GFOD1: variants seen among roughly 807,000 people sequenced by gnomAD.
GFOD1 encodes the protein glucose-fructose oxidoreductase domain-containing protein 1.
Under a neutral mutation model 25.4 loss-of-function variants are expected in GFOD1, and 9 were observed. The ratio of observed to expected loss-of-function variants is 0.35; its 90% CI spans 0.21 to 0.62. The LOEUF is 0.62. GFOD1 is among the 20% of genes least tolerant of loss of function. The pLI, the probability that GFOD1 is intolerant of heterozygous loss-of-function variation, is 0.72. For missense variants in GFOD1, 403 were observed against 556.9 expected (o/e 0.72, Z 2.78); for synonymous variants, 253 against 245.6 (o/e 1.03, Z -0.28).
At chr6:13,476,585 A>G (rs1010807975) in intron 1 of GFOD1, among the ~76,000 whole-genome samples, 18 of 152,356 alleles carry the variant, frequency 1.2e-4, no homozygotes, top group African/African-American at 4.3e-4. Context: ...ATGTTATGGT[A>G]TATATAGTTC....
At chr6:13,447,340 T>C (rs1758019117) in intron 1 of GFOD1, among the ~76,000 whole-genome samples, 1 of 152,212 alleles carries the variant, frequency 6.6e-6, no homozygotes. Context: ...TCTCTGTGTG[T>C]CTATGTCCAA....
chr6:13,467,423 C>T (rs1758396534), intron 1 of GFOD1, among the ~76,000 whole-genome samples: 1 of 152,066 alleles, frequency 6.6e-6, no homozygotes, highest in Non-Finnish European at 1.5e-5. Context: ...TGGCCAACAC[C>T]CTTTTGGCTG....
intron 1 of GFOD1, among the ~76,000 whole-genome samples, chr6:13,367,277 T>C (rs1785066792): frequency 6.6e-6 from 1 of 152,208 alleles, no homozygotes. Flanking sequence ...TCTAAGCTTT[T>C]GGCTAATGTC....
chr6:13,437,148 G>GT (rs1757846466), intron 1 of GFOD1, among the ~76,000 whole-genome samples: 2 of 152,276 alleles, frequency 1.3e-5, no homozygotes, highest in East Asian at 3.9e-4. Flanking sequence ...GAAAAGTCAG[G>GT]AAGTTCTACC....
At chr6:13,434,657 C>T (rs1584649795) in intron 1 of GFOD1, among the ~76,000 whole-genome samples, 2 of 152,304 alleles carry the variant, frequency 1.3e-5, no homozygotes, top group South Asian at 2.1e-4. Flanking sequence ...AAGTCAAGCA[C>T]CTAACTCTTG....
chr6:13,482,380 A>G (rs1758772247), intron 1 of GFOD1, among the ~76,000 whole-genome samples: 1 of 151,782 alleles, frequency 6.6e-6, no homozygotes, highest in Admixed American at 6.6e-5. Flanking sequence ...TTTTCAAGCT[A>G]ATATTGTTGC....
intron 1 of GFOD1, among the ~76,000 whole-genome samples, chr6:13,473,725 T>C (rs79804919): frequency 7.2e-4 from 109 of 152,308 alleles, no homozygotes; most frequent in Non-Finnish European, 1.3e-3. Flanking sequence ...TTTTCAATTA[T>C]TTAAATCCTA....
chr6:13,371,127 T>C (rs575903370), intron 1 of GFOD1, among the ~76,000 whole-genome samples: 71 of 152,340 alleles, frequency 4.7e-4, no homozygotes, highest in African/African-American at 1.7e-3. Flanking sequence ...GACATTTCTT[T>C]GACTTGAGGG....
At chr6:13,391,234 T>C (rs1416576666) in intron 1 of GFOD1, among the ~76,000 whole-genome samples, 1 of 150,912 alleles carries the variant, frequency 6.6e-6, no homozygotes, top group South Asian at 2.1e-4. Flanking sequence ...GTGGCTGGAA[T>C]TATCTGACGG....
At chr6:13,463,980 C>T (rs1361552339) in intron 1 of GFOD1, among the ~76,000 whole-genome samples, 2 of 152,066 alleles carry the variant, frequency 1.3e-5, no homozygotes, top group African/African-American at 4.8e-5. Context: ...AAACAACATA[C>T]AACAAAAAAC....
At chr6:13,390,061 C>T (rs1432945123) in intron 1 of GFOD1, among the ~76,000 whole-genome samples, 1 of 152,130 alleles carries the variant, frequency 6.6e-6, no homozygotes, top group Non-Finnish European at 1.5e-5. Flanking sequence ...CAACTTAAGT[C>T]CCACCACCTC....
At chr6:13,447,850 A>G (rs1758031971) in intron 1 of GFOD1, among the ~76,000 whole-genome samples, 1 of 151,932 alleles carries the variant, frequency 6.6e-6, no homozygotes, top group African/African-American at 2.4e-5. Context: ...ATAAAGCCTC[A>G]AACATTTGAG....
chr6:13,419,501 T>G (rs1786217971), intron 1 of GFOD1, among the ~76,000 whole-genome samples: 1 of 152,176 alleles, frequency 6.6e-6, no homozygotes, highest in Non-Finnish European at 1.5e-5. Flanking sequence ...TCCCTGCCGA[T>G]GGCTAAACCA....
At chr6:13,393,185 G>A (rs1785650104) in intron 1 of GFOD1, among the ~76,000 whole-genome samples, 1 of 151,828 alleles carries the variant, frequency 6.6e-6, no homozygotes, top group African/African-American at 2.4e-5. Context: ...CTGAAACTCC[G>A]TTTCTACTAA....
chr6:13,480,816 G>A (rs1231666073), intron 1 of GFOD1, among the ~76,000 whole-genome samples: 3 of 152,202 alleles, frequency 2.0e-5, no homozygotes, highest in African/African-American at 7.2e-5. Flanking sequence ...AGATCCCCAG[G>A]TGATACAACC....
At chr6:13,404,608 A>G (rs547932670) in intron 1 of GFOD1, among the ~76,000 whole-genome samples, 1 of 152,212 alleles carries the variant, frequency 6.6e-6, no homozygotes, top group South Asian at 2.1e-4. Context: ...CTATCCCAGC[A>G]TCTCCCAGAA....
intron 1 of GFOD1, among the ~76,000 whole-genome samples, chr6:13,463,712 C>T (rs1758331542): frequency 6.6e-6 from 1 of 152,072 alleles, no homozygotes; most frequent in Admixed American, 6.5e-5. Context: ...ATGTCATAAA[C>T]CTTATGTTTA....
chr6:13,416,436 T>C (rs1241597704), intron 1 of GFOD1, among the ~76,000 whole-genome samples: 4 of 152,166 alleles, frequency 2.6e-5, no homozygotes, highest in Non-Finnish European at 5.9e-5. Flanking sequence ...GGAACTTACT[T>C]TAGAAACAGC....
At chr6:13,397,605 A>G (rs377235160) in intron 1 of GFOD1, among the ~76,000 whole-genome samples, 3 of 152,334 alleles carry the variant, frequency 2.0e-5, no homozygotes, top group East Asian at 3.9e-4. Context: ...GGGAGGGCAG[A>G]TATTTGCCTC....
Sources: allele counts gnomAD v4.1 joint callset (sites outside exome capture counted in the v4.1 genomes callset), GRCh38; gene constraint gnomAD v4.1.1; transcripts MANE v1.5; gene names NCBI Gene and HGNC (gene_info 2026-07-23, HGNC 2026-07-21).